The following SNX2 variants were observed in gnomAD, a reference collection of about 807,000 sequenced individuals.
The protein encoded by SNX2 is sorting nexin 2.
A neutral mutation model predicts 69.9 loss-of-function variants in SNX2; 25 were observed. The observed-to-expected ratio is 0.36, with a 90% CI of 0.26 to 0.50. The LOEUF (loss-of-function observed/expected upper bound fraction) is 0.50. Among genes scored for constraint, SNX2 ranks in the 20% least tolerant of loss-of-function variants. SNX2 has a pLI of 0.97. For synonymous variants in SNX2, 229 were observed against 200.4 expected (o/e 1.14, Z -1.20); for missense variants, 551 against 613.3 (o/e 0.90, Z 1.07).
chr5:122,802,450 T>C (rs3776191), intron 5 of SNX2, among the ~76,000 whole-genome samples: 82,790 of 151,998 alleles, frequency 0.54, 22,813 homozygotes, highest in Admixed American at 0.64. Flanking sequence ...AAGAAAGCAT[T>C]GTGCTTTCTA....
rs1205359909 is a variant in SNX2, at chr5:122,795,368, G to A, written c.211G>A (p.Glu71Lys). Residue 71 changes from glutamate (E) to lysine (K), a missense_variant, in exon 2 of 15, where the codon GAA becomes AAA. Glu to Lys is a moderately conservative substitution (Grantham distance 56). Around this residue, in one of 2 missense-constraint regions of SNX2, gnomAD observed 191 missense variants for 162.9 expected, o/e 1.17. Coordinates refer to ENST00000379516, the MANE Select transcript of SNX2 (RefSeq NM_003100.4). ...AGAAGTTGTATTAGATGATGACAGA[G>A]AAGATCTTTTTGCAGGTAATTGTCA... ...PTEVVLDDDREDLFAEATEEV... is the reference protein window; with the variant it reads ...PTEVVLDDDRKDLFAEATEEV... 4.3e-6 allele frequency: 7 copies of A among 1,609,442 alleles called. No individual in the cohort carries two copies. The South Asian group carries it at 7.7e-5, about 18-fold the overall frequency.
intron 1 of SNX2, among the ~76,000 whole-genome samples, chr5:122,786,044 G>A (rs1297301885): frequency 6.6e-6 from 1 of 152,092 alleles, no homozygotes; most frequent in Non-Finnish European, 1.5e-5. Context: ...GTATTTTGAA[G>A]CTATTTTGTT....
chr5:122,792,748 A>C (rs563442598), intron 1 of SNX2, among the ~76,000 whole-genome samples: 1 of 152,322 alleles, frequency 6.6e-6, no homozygotes, highest in East Asian at 1.9e-4. Context: ...CATATCTGAC[A>C]AAGAATTTTT....
chr5:122,787,468 C>T (rs952262701), intron 1 of SNX2, among the ~76,000 whole-genome samples: 4 of 151,756 alleles, frequency 2.6e-5, no homozygotes, highest in Non-Finnish European at 4.4e-5. Context: ...TGCAGTGAGC[C>T]AAGATTGCAC....
chr5:122,802,043 CA>C, intron 4 of SNX2, 37 bp from the exon 5 acceptor site: 1 of 1,578,548 alleles, frequency 6.3e-7, no homozygotes, highest in Non-Finnish European at 8.7e-7. Flanking sequence ...TATTTTTATG[CA>C]TGTGATTTTA....
intron 1 of SNX2, among the ~76,000 whole-genome samples, chr5:122,782,927 T>G (rs1487305358): frequency 1.3e-5 from 2 of 152,006 alleles, no homozygotes; most frequent in Non-Finnish European, 2.9e-5. Context: ...TTTTGTTTTG[T>G]TTCTTTGTTT....
At chr5:122,802,159 C>G in intron 5 of SNX2, 35 bp downstream of exon 5, 1 of 1,569,744 alleles carries the variant, frequency 6.4e-7, no homozygotes, top group Non-Finnish European at 8.8e-7. Flanking sequence ...AACTATCGAG[C>G]CCTCATTATG....
chr5:122,784,548 C>G (rs1459226867), intron 1 of SNX2, among the ~76,000 whole-genome samples: 1 of 151,068 alleles, frequency 6.6e-6, no homozygotes, highest in Non-Finnish European at 1.5e-5. Flanking sequence ...GAATGATTTT[C>G]AAACTGATTC....
chr5:122,775,280 C>T (rs1752830461), intron 1 of SNX2, 69 bp downstream of exon 1: 2 of 1,482,294 alleles, frequency 1.3e-6, no homozygotes, highest in Non-Finnish European at 1.8e-6. Flanking sequence ...CCTGCCCCGA[C>T]TTGTCCCTCC....
intron 7 of SNX2, among the ~76,000 whole-genome samples, chr5:122,812,194 T>A (rs138835616): frequency 2.0e-5 from 3 of 152,004 alleles, no homozygotes; most frequent in Non-Finnish European, 4.4e-5. Context: ...TTTTAACCCC[T>A]CCCCACGCTG....
chr5:122,777,408 T>G (rs1270385954), intron 1 of SNX2, among the ~76,000 whole-genome samples: 1 of 152,232 alleles, frequency 6.6e-6, no homozygotes, highest in African/African-American at 2.4e-5. Flanking sequence ...CCTACGTGAT[T>G]CTGATATAGA....
intron 1 of SNX2, among the ~76,000 whole-genome samples, chr5:122,778,141 A>T (rs1283986819): frequency 1.3e-5 from 2 of 152,210 alleles, no homozygotes; most frequent in Non-Finnish European, 2.9e-5. Context: ...TGTTGTTGCA[A>T]ATGACAGGAT....
At chr5:122,794,934 G>C (rs1216666183) in intron 1 of SNX2, among the ~76,000 whole-genome samples, 2 of 152,018 alleles carry the variant, frequency 1.3e-5, no homozygotes, top group Non-Finnish European at 2.9e-5. Flanking sequence ...GAGGTGGAAG[G>C]ATCATTTGAG....
At position 122,775,117 on chromosome 5, in the gene SNX2, G is replaced by A. The variant is rs758576900; in HGVS notation, c.14G>A (p.Arg5Lys). 2.7e-5 allele frequency: 43 copies of A among 1,590,698 alleles called. No individual in the cohort carries two copies. Among genetic ancestry groups the A allele is most frequent in the Non-Finnish European group, 3.4e-5 (40 of 1,170,546 alleles). Residue 5 changes from arginine to lysine, a missense_variant, in exon 1 of 15, where the codon AGG becomes AAG. Arg to Lys is a conservative substitution (Grantham distance 26, BLOSUM62 2). Around this residue, in one of 2 missense-constraint regions of SNX2, gnomAD observed 191 missense variants for 162.9 expected, o/e 1.17. Transcript: ENST00000379516. MAAEREPPPLGDGKP... is the reference protein window; with the variant it reads MAAEKEPPPLGDGKP... ...GGGTGAGCGAAGATGGCGGCCGAGAGGGAACCTCCTCCGCTGGGGGACGGG... is the reference window on the plus strand; with the variant it reads ...GGGTGAGCGAAGATGGCGGCCGAGAAGGAACCTCCTCCGCTGGGGGACGGG...
At chr5:122,801,845 CA>C (rs760192687) in intron 3 of SNX2, 23 bp from the exon 4 acceptor site, 66 of 1,415,800 alleles carry the variant, frequency 4.7e-5, no homozygotes, top group Middle Eastern at 1.8e-4. Flanking sequence ...TTTTTAATGC[CA>C]AAAAATAATT....
At chr5:122,815,994 TTG>T in intron 8 of SNX2, 23 bp downstream of exon 8, 1 of 1,339,610 alleles carries the variant, frequency 7.5e-7, no homozygotes, top group South Asian at 1.3e-5. Context: ...TATTAAATGT[TTG>T]TATATGAATG....
intron 7 of SNX2, among the ~76,000 whole-genome samples, chr5:122,809,141 CA>C (rs1453231023): frequency 1.3e-5 from 2 of 152,054 alleles, no homozygotes; most frequent in Non-Finnish European, 2.9e-5. Flanking sequence ...TACAGCTTAA[CA>C]ACTGTTTTCA....
At chr5:122,797,687 G>C (rs150998058) in intron 2 of SNX2, among the ~76,000 whole-genome samples, 1 of 152,264 alleles carries the variant, frequency 6.6e-6, no homozygotes, top group Admixed American at 6.5e-5. Context: ...AGATATTGCT[G>C]TAGTGACATT....
rs1255697203 is a variant in SNX2 at position 122,826,131 on chromosome 5, G to A, written c.1294G>A (p.Ala432Thr). 9.3e-6 allele frequency: 15 copies of A among 1,613,122 alleles called. No homozygotes were observed. The South Asian group carries it at 1.6e-4, about 18-fold the overall frequency. ...TTTGCTCAAAAAACGTGAAGCTGAA[G>A]CAAAAATGATGGTTGCTAACAAACC... ...ITLLKKREAEAKMMVANKPDK... is the reference protein window; with the variant it reads ...ITLLKKREAETKMMVANKPDK... Residue 432 changes from alanine to threonine, a missense_variant, in exon 12 of 15, where the codon GCA becomes ACA. This residue lies in a region of SNX2 where 360 missense variants were observed against 450.4 expected (regional missense o/e 0.80). Coordinates refer to ENST00000379516, the MANE Select transcript of SNX2 (RefSeq NM_003100.4).
Sources: allele counts gnomAD v4.1 joint callset (sites outside exome capture counted in the v4.1 genomes callset), GRCh38; gene constraint gnomAD v4.1.1; regional missense constraint gnomAD v4.1.1; transcripts MANE v1.5; gene names NCBI Gene and HGNC (gene_info 2026-07-23, HGNC 2026-07-21).